TMCO5A: variants seen among roughly 807,000 people sequenced by gnomAD.
TMCO5A encodes transmembrane and coiled-coil domain-containing protein 5A.
Under a neutral mutation model 42.3 loss-of-function variants are expected in TMCO5A, and 34 were observed. That is an observed-to-expected ratio of 0.80 (90% CI 0.61 to 1.07). The LOEUF is 1.07. Ranked by LOEUF, TMCO5A falls within the 50% of genes least tolerant of loss-of-function variation. The probability of loss-of-function intolerance (pLI) is 0.00; values close to 1 mark genes in which losing one functional copy is unlikely to be tolerated. For synonymous variants in TMCO5A, 131 were observed against 115.6 expected, an observed-to-expected ratio of 1.13 and a Z score of -0.86; for missense variants, 357 against 327.9, an observed-to-expected ratio of 1.09 and a Z score of -0.69.
chr15:37,994,903 A>G, the TMCO5A span, among the ~76,000 whole-genome samples: 1 of 152,188 alleles, frequency 6.6e-6, no homozygotes, highest in Non-Finnish European at 1.5e-5. Context: ...AAAGAGAGCA[A>G]ACGTCAGCAC....
chr15:37,999,009 C>T, the TMCO5A span, among the ~76,000 whole-genome samples: 3 of 152,126 alleles, frequency 2.0e-5, no homozygotes, highest in Non-Finnish European at 2.9e-5. Flanking sequence ...CAGGTTCAAG[C>T]GATTCTCCTG....
At chr15:38,027,527 A>G in the TMCO5A span, among the ~76,000 whole-genome samples, 2 of 152,102 alleles carry the variant, frequency 1.3e-5, no homozygotes, top group Non-Finnish European at 2.9e-5. Context: ...ATCTCAGATG[A>G]GACTTTGGAC....
At chr15:38,037,634 G>A in the TMCO5A span, among the ~76,000 whole-genome samples, 1 of 152,162 alleles carries the variant, frequency 6.6e-6, no homozygotes, top group Admixed American at 6.5e-5. Flanking sequence ...AGAGATGTGG[G>A]CAATGGAATG....
chr15:38,000,546 A>C, the TMCO5A span, among the ~76,000 whole-genome samples: 1 of 151,848 alleles, frequency 6.6e-6, no homozygotes, highest in African/African-American at 2.4e-5. Context: ...TTCTGTTCTT[A>C]TACTAATTTT....
At chr15:38,013,491 T>C in the TMCO5A span, among the ~76,000 whole-genome samples, 1 of 152,134 alleles carries the variant, frequency 6.6e-6, no homozygotes, top group Admixed American at 6.5e-5. Flanking sequence ...TGAGAGACAG[T>C]AATTCAATAA....
the TMCO5A span, among the ~76,000 whole-genome samples, chr15:38,017,281 G>A: frequency 6.6e-6 from 1 of 152,146 alleles, no homozygotes. Flanking sequence ...TAAAGAAGGA[G>A]GGGTGATGGA....
At chr15:37,937,059 T>C in intron 4 of TMCO5A, 89 bp downstream of exon 4, 1 of 1,552,292 alleles carries the variant, frequency 6.4e-7, no homozygotes, top group South Asian at 1.2e-5. Context: ...TCTCTCCTTT[T>C]TATACATGAA....
chr15:37,963,598 G>A (rs1312264923), intron 11 of TMCO5A, among the ~76,000 whole-genome samples: 3 of 152,180 alleles, frequency 2.0e-5, no homozygotes, highest in Admixed American at 6.6e-5. Context: ...TAAATCCATC[G>A]TTTCTTTGTT....
chr15:38,033,013 C>T, the TMCO5A span, among the ~76,000 whole-genome samples: 1 of 150,844 alleles, frequency 6.6e-6, no homozygotes, highest in Non-Finnish European at 1.5e-5. Flanking sequence ...CTGCAAGCTC[C>T]ACCTCCCGGG....
chr15:37,937,499 G>C, intron 5 of TMCO5A, 103 bp downstream of exon 5: 1 of 1,260,192 alleles, frequency 7.9e-7, no homozygotes, highest in East Asian at 2.3e-5. Context: ...ATAAGTCAGA[G>C]AGGCCTGTAT....
At chr15:38,030,676 C>T in the TMCO5A span, among the ~76,000 whole-genome samples, 2 of 152,170 alleles carry the variant, frequency 1.3e-5, no homozygotes, top group Admixed American at 6.5e-5. Flanking sequence ...TGGTACTGCT[C>T]ACCCTTCCAC....
At chr15:37,960,965 G>A (rs1388879133) in intron 11 of TMCO5A, among the ~76,000 whole-genome samples, 8 of 151,750 alleles carry the variant, frequency 5.3e-5, no homozygotes, top group African/African-American at 1.9e-4. Context: ...TGTAGATTGC[G>A]AAGATTTTCT....
chr15:38,015,038 TGAGAAAGATGTAGACTGCGA>T, the TMCO5A span, among the ~76,000 whole-genome samples: 3 of 151,502 alleles, frequency 2.0e-5, no homozygotes, highest in African/African-American at 7.3e-5. Flanking sequence ...GCATCCAGTA[TGAGAAAGATGTAGACTGCGA>T]GGCTAGGCCT....
At chr15:37,968,997 G>T (rs1252644310), downstream of TMCO5A, among the ~76,000 whole-genome samples, 1 of 152,224 alleles carries the variant, frequency 6.6e-6, no homozygotes, top group African/African-American at 2.4e-5. Flanking sequence ...GTACTGTGTA[G>T]TGTTGGGAAT....
At chr15:37,979,222 C>T in the TMCO5A span, among the ~76,000 whole-genome samples, 1 of 152,078 alleles carries the variant, frequency 6.6e-6, no homozygotes, top group East Asian at 1.9e-4. Context: ...TTCCGTAAGG[C>T]AGCGGTGCTG....
At chr15:38,007,854 G>A in the TMCO5A span, among the ~76,000 whole-genome samples, 1 of 139,874 alleles carries the variant, frequency 7.1e-6, no homozygotes, top group Non-Finnish European at 1.5e-5. Context: ...TTGTTCTGAG[G>A]GTGTAAACTC....
At chr15:37,964,638 GA>G (rs755420604) in intron 11 of TMCO5A, among the ~76,000 whole-genome samples, 1 of 150,552 alleles carries the variant, frequency 6.6e-6, no homozygotes, top group African/African-American at 2.4e-5. Flanking sequence ...TGAACAATCT[GA>G]AAAAAAATAA....
At chr15:37,953,210 G>C (rs893864918), downstream of TMCO5A, among the ~76,000 whole-genome samples, 1 of 152,150 alleles carries the variant, frequency 6.6e-6, no homozygotes, top group African/African-American at 2.4e-5. Flanking sequence ...CCAGGGCCTT[G>C]AGTGAACATA....
rs1890137974 is a variant in TMCO5A, at chr15:37,951,054, T to C, written c.687T>C (p.Phe229=). 2 of 1,612,112 alleles carry C rather than the reference T, an allele frequency of 1.2e-6. No homozygotes were observed. Among genetic ancestry groups the C allele is most frequent in the African/African-American group, 1.3e-5 (1 of 74,954 alleles). ...LFSKKIFCCL[F]FITLFFIRLL... The stretch of plus-strand genomic sequence containing the variant: ...TTTTTAGGATTTTTTGCTGTCTCTT[T>C]TTCATCACCCTATTTTTCATCAGAC... The change falls in exon 12 of 12, where the codon TTT becomes TTC. Residue 229 remains phenylalanine, a synonymous_variant. Transcript: ENST00000319669.
Sources: allele counts gnomAD v4.1 joint callset (sites outside exome capture counted in the v4.1 genomes callset), GRCh38; gene constraint gnomAD v4.1.1; transcripts MANE v1.5; gene names NCBI Gene and HGNC (gene_info 2026-07-23, HGNC 2026-07-21).